Variants in ARLN observed in about 807,000 individuals in gnomAD.
The protein encoded by ARLN is allregulin, also known as sarcoplasmic/endoplasmic reticulum calcium ATPase regulator ARLN.
chr4:119,299,273 C>A, the ARLN span, among the ~76,000 whole-genome samples: 1 of 152,154 alleles, frequency 6.6e-6, no homozygotes, highest in South Asian at 2.1e-4. Context: ...CTCTAACTTA[C>A]TACACCATCC....
chr4:119,304,141 C>G, the ARLN span: 1 of 755,040 alleles, frequency 1.3e-6, no homozygotes, highest in South Asian at 1.9e-5. Flanking sequence ...CTCACCTGTC[C>G]AAATCCTACT....
chr4:119,300,240 T>G, the ARLN span: 1 of 1,013,790 alleles, frequency 9.9e-7, no homozygotes. Flanking sequence ...CTTGGACATA[T>G]ATAAACTCTC....
the ARLN span, chr4:119,300,884 T>C: frequency 7.8e-7 from 1 of 1,288,314 alleles, no homozygotes; most frequent in African/African-American, 1.5e-5. Context: ...AGTCAGGTGA[T>C]GGACTCCTCC....
the ARLN span, chr4:119,304,378 C>T: frequency 1.3e-6 from 2 of 1,536,902 alleles, no homozygotes; most frequent in Non-Finnish European, 1.7e-6. Flanking sequence ...CTTCCTTTGG[C>T]ACCTATTATT....
chr4:119,300,915 C>G, the ARLN span: 1 of 996,522 alleles, frequency 1.0e-6, no homozygotes, highest in South Asian at 1.8e-5. Flanking sequence ...ACGAGGTCAC[C>G]TCTCCTATCC....
the ARLN span, chr4:119,298,793 G>T: frequency 2.6e-6 from 2 of 775,022 alleles, no homozygotes; most frequent in South Asian, 2.8e-5. Flanking sequence ...TAAAAAGCAA[G>T]TATTTGTCAG....
chr4:119,299,570 T>C, the ARLN span, among the ~76,000 whole-genome samples: 2 of 152,224 alleles, frequency 1.3e-5, no homozygotes, highest in Non-Finnish European at 2.9e-5. Flanking sequence ...TGCTTCCTCC[T>C]GCCCTATTCT....
chr4:119,298,785 A>G, the ARLN span: 1 of 776,036 alleles, frequency 1.3e-6, no homozygotes, highest in Non-Finnish European at 2.4e-6. Context: ...CAAGTCTGTA[A>G]AAAGCAAGTA....
the ARLN span, chr4:119,300,553 G>A: frequency 6.2e-7 from 1 of 1,614,068 alleles, no homozygotes; most frequent in South Asian, 1.1e-5. Flanking sequence ...CTGCAGCTTC[G>A]TAACAACCCT....
chr4:119,303,168 G>A, the ARLN span, among the ~76,000 whole-genome samples: 26 of 151,370 alleles, frequency 1.7e-4, no homozygotes, highest in Middle Eastern at 3.4e-3. Context: ...GGTACCACAG[G>A]TTATTTCTCC....
the ARLN span, among the ~76,000 whole-genome samples, chr4:119,302,782 G>A: frequency 6.6e-6 from 1 of 152,164 alleles, no homozygotes; most frequent in Non-Finnish European, 1.5e-5. Flanking sequence ...GGAGAAGGTG[G>A]TGTATGAAAA....
At chr4:119,299,367 C>A in the ARLN span, among the ~76,000 whole-genome samples, 2 of 152,080 alleles carry the variant, frequency 1.3e-5, no homozygotes, top group Non-Finnish European at 2.9e-5. Context: ...GAAGTGACTG[C>A]CTATCAAGAA....
chr4:119,298,932 A>AACAC, the ARLN span, among the ~76,000 whole-genome samples: 1 of 151,754 alleles, frequency 6.6e-6, no homozygotes, highest in African/African-American at 2.4e-5. Flanking sequence ...AGGTCATAAA[A>AACAC]ACACACACAC....
At chr4:119,297,220 G>T in the ARLN span, 1 of 152,142 alleles carries the variant, frequency 6.6e-6, no homozygotes, top group Non-Finnish European at 1.5e-5. Context: ...CACCTTAAAA[G>T]CATAATTGCT....
chr4:119,300,709 C>G, the ARLN span: 16 of 1,527,530 alleles, frequency 1.0e-5, no homozygotes, highest in Non-Finnish European at 1.4e-5. Flanking sequence ...GCGCCTGGCT[C>G]GGCTTTCCGC....
At chr4:119,303,432 G>A in the ARLN span, among the ~76,000 whole-genome samples, 236 of 151,774 alleles carry the variant, frequency 1.6e-3, 4 homozygotes, top group East Asian at 0.033. Context: ...ACAGAGTTTC[G>A]CCATGTTGGC....
At chr4:119,298,555 G>A in the ARLN span, 4 of 436,598 alleles carry the variant, frequency 9.2e-6, no homozygotes, top group Non-Finnish European at 1.7e-5. Flanking sequence ...TTTTAAACAC[G>A]AACCAAAGGG....
the ARLN span, chr4:119,300,463 T>G: frequency 6.2e-7 from 1 of 1,614,050 alleles, no homozygotes; most frequent in South Asian, 1.1e-5. Flanking sequence ...AAGTTCTGCC[T>G]CCCTCCCTCG....
At chr4:119,300,405 T>C in the ARLN span, 5 of 1,613,630 alleles carry the variant, frequency 3.1e-6, no homozygotes, top group Non-Finnish European at 1.7e-6. Context: ...GTCCAACCAG[T>C]AGGAGTGTTT....
Sources: gnomAD v4.1 joint callset for allele counts (sites outside exome capture counted in the v4.1 genomes callset) on GRCh38, gnomAD v4.1.1 for gene constraint, MANE v1.5 for transcripts, NCBI Gene and HGNC (gene_info 2026-07-23, HGNC 2026-07-21) for gene names.